Variants in PLEKHG3 observed in about 807,000 individuals in gnomAD.
PLEKHG3 encodes pleckstrin homology domain-containing family G member 3.
PLEKHG3 carries 62 observed loss-of-function variants against 94.9 expected under a neutral mutation model. The observed-to-expected ratio is 0.65, with a 90% CI of 0.53 to 0.81. The LOEUF (loss-of-function observed/expected upper bound fraction) is 0.81. PLEKHG3 is among the 30% of genes least tolerant of loss of function. The pLI is 0.00. For synonymous variants in PLEKHG3, 614 were observed against 654.0 expected, an observed-to-expected ratio of 0.94 and a Z score of 0.93; for missense variants, 1,461 against 1,619.3, an observed-to-expected ratio of 0.90 and a Z score of 1.68.
In PLEKHG3 at chr14:64,742,140, C is replaced by T. The variant is rs567652301; in HGVS notation, c.2623C>T (p.Arg875Cys). 5.6e-6 allele frequency: 9 copies of T among 1,611,400 alleles called. No homozygotes were observed. The highest frequency in any genetic ancestry group is 4.5e-5 in the East Asian group (2 of 44,880). The change falls in exon 16 of 17, where the codon CGC (arginine) becomes TGC (cysteine). Residue 875 changes from arginine to cysteine, a missense_variant. Coordinates refer to ENST00000247226, the MANE Select transcript of PLEKHG3 (RefSeq NM_001308147.2). The part of the protein sequence containing the change: ...SPESSSPTEG[R>C]SPAHLARELK... ...GGAAAGCTCCTCTCCCACTGAGGGG[C>T]GCAGCCCGGCCCACCTGGCCCGGGA...
rs1002108266 is a variant in PLEKHG3, at chr14:64,726,740, C to T, written c.-39-853C>T. Among the ~76,000 whole-genome samples, 6 of 152,310 alleles carry T rather than the reference C, an allele frequency of 3.9e-5. No individual in the cohort carries two copies. Among genetic ancestry groups the T allele is most frequent in the African/African-American group, 1.2e-4 (5 of 41,556 alleles). Reference sequence around the variant, plus strand: ...CTTAGCCCTGGGGAATTTCCTGGGGCCTGGGATGAGTCAGAGGCAGCCTGT... The same window carrying T: ...CTTAGCCCTGGGGAATTTCCTGGGGTCTGGGATGAGTCAGAGGCAGCCTGT... On this transcript the variant is annotated intron_variant, in intron 1 of 16. Coordinates refer to ENST00000247226, the MANE Select transcript of PLEKHG3 (RefSeq NM_001308147.2). This position sits in a 1 kb window ranked among gnomAD's most constrained non-coding sequence, Gnocchi z 5.1.
rs765476762 is a variant in PLEKHG3, at chr14:64,743,146, G to A, written c.3103G>A (p.Ala1035Thr). 9 of 1,611,290 alleles carry A rather than the reference G, an allele frequency of 5.6e-6. No individual in the cohort carries two copies. The highest frequency in any genetic ancestry group is 2.2e-5 in the East Asian group (1 of 44,880). Residue 1035 changes from alanine (A) to threonine (T), a missense_variant, in exon 17 of 17, where the codon GCC (alanine) becomes ACC (threonine). Ala to Thr is a moderately conservative substitution (Grantham distance 58). Around this residue, in one of 3 missense-constraint regions of PLEKHG3, gnomAD observed 1,201 missense variants for 1,295.5 expected, o/e 0.93. Coordinates refer to ENST00000247226, the MANE Select transcript of PLEKHG3 (RefSeq NM_001308147.2). The surrounding 1 kb of genome is among the most constrained non-coding windows in gnomAD (Gnocchi z 7.2). ...RTTSPGGRPSARSPLSPTETF... is the reference protein window; with the variant it reads ...RTTSPGGRPSTRSPLSPTETF... The stretch of plus-strand genomic sequence containing the variant: ...CACCTCGCCTGGGGGCCGGCCCTCC[G>A]CCCGGAGCCCCCTCAGCCCCACAGA...
At chr14:64,737,113 G>GGAAACAATGAGAGCC in intron 13 of PLEKHG3, 1 of 646,118 alleles carries the variant, frequency 1.5e-6, no homozygotes, top group Non-Finnish European at 2.8e-6. Context: ...CCTTTCCTCC[G>GGAAACAATGAGAGCC]GAAACAATGA....
rs2081608363 is a variant in PLEKHG3 at position 64,738,002 on chromosome 14, G to A, written c.1404+627G>A. ...TGGAGGAGGAGGAGGAGGAGGAGGA[G>A]GAAGAGCAGGCCTTTCAGGTCTCTC... On this transcript the variant is annotated intron_variant, in intron 14 of 16. Coordinates refer to ENST00000247226, the MANE Select transcript of PLEKHG3 (RefSeq NM_001308147.2). The surrounding 1 kb of genome is among the most constrained non-coding windows in gnomAD (Gnocchi z 4.8). 2 of 1,263,746 alleles carry A rather than the reference G, an allele frequency of 1.6e-6. No individual in the cohort carries two copies. Among genetic ancestry groups the A allele is most frequent in the Admixed American group, 5.0e-5 (2 of 40,376 alleles). The allele number at this position is 1,263,746 out of a possible 1,614,324, so 78.3% of individuals were successfully genotyped here.
Position 64,743,891 on chromosome 14 carries a change from G to A in PLEKHG3, c.*188G>A. On this transcript the variant is annotated 3_prime_UTR_variant, in exon 17 of 17. Coordinates refer to ENST00000247226, the MANE Select transcript of PLEKHG3 (RefSeq NM_001308147.2). The surrounding 1 kb of genome is among the most constrained non-coding windows in gnomAD (Gnocchi z 7.2). ...TCTCCTGCCTGTGCCATCCACTGGG[G>A]CTCGAGACAATTTCCCACTCACCTG... The A allele has an allele frequency of 3.7e-6, 2 of 546,528 alleles. No individual in the cohort carries two copies. Among genetic ancestry groups the A allele is most frequent in the Non-Finnish European group, 3.1e-6 (1 of 325,564 alleles). The allele number at this position is 546,528 out of a possible 1,614,324, so 33.9% of individuals were successfully genotyped here. A position where few individuals can be genotyped will look rare whatever the true frequency, so the allele number is the denominator to read the frequency against.
rs761950396 is a variant in PLEKHG3, at chr14:64,736,808, C to T, written c.1346-45C>T. On this transcript the variant is annotated intron_variant, in intron 12 of 16. Transcript: ENST00000247226. Reference sequence around the variant, plus strand: ...GAGCTTGGGACCCAGCCAGGCACAGCAGTTTCCTGGCCCGCGCTGACTCTG... The same window carrying T: ...GAGCTTGGGACCCAGCCAGGCACAGTAGTTTCCTGGCCCGCGCTGACTCTG... The T allele has an allele frequency of 6.8e-6, 10 of 1,464,980 alleles. No homozygotes were observed. The South Asian group carries it at 1.0e-4, about 15-fold the overall frequency. The allele number at this position is 1,464,980 out of a possible 1,614,324, so 90.7% of individuals were successfully genotyped here.
At chr14:64,705,297 A>G (rs2080953858) in intron 1 of PLEKHG3, among the ~76,000 whole-genome samples, 1 of 152,212 alleles carries the variant, frequency 6.6e-6, no homozygotes, top group South Asian at 2.1e-4. Context: ...TCGCACCCCT[A>G]CACCCAGCCC....
chr14:64,749,736 G>A lies in PLEKHG3; in HGVS notation c.*6033G>A, dbSNP rs1386790389. 1.2e-6 allele frequency: 2 copies of A among 1,608,014 alleles called. No individual in the cohort carries two copies. Among genetic ancestry groups the A allele is most frequent in the Admixed American group, 1.7e-5 (1 of 59,174 alleles). ...GGTTTCCTGTCATGGAGACACCTCTGGAGGGGGCGCTGGGCAGAGGGCTGG... is the reference window on the plus strand; with the variant it reads ...GGTTTCCTGTCATGGAGACACCTCTAGAGGGGGCGCTGGGCAGAGGGCTGG... On this transcript the variant is annotated 3_prime_UTR_variant, in exon 17 of 17. Transcript: ENST00000247226. The surrounding 1 kb of genome is among the most constrained non-coding windows in gnomAD (Gnocchi z 4.7).
At position 64,727,018 on chromosome 14, in the gene PLEKHG3, T is replaced by C. The variant is rs2081364607; in HGVS notation, c.-39-575T>C. 6.6e-6 allele frequency among the ~76,000 whole-genome samples: 1 copy of C among 152,154 alleles called. No individual in the cohort carries two copies. The highest frequency in any genetic ancestry group is 6.5e-5 in the Admixed American group (1 of 15,278). On this transcript the variant is annotated intron_variant, in intron 1 of 16. Coordinates refer to ENST00000247226, the MANE Select transcript of PLEKHG3 (RefSeq NM_001308147.2). This position sits in a 1 kb window ranked among gnomAD's most constrained non-coding sequence, Gnocchi z 6.0. Reference sequence around the variant, plus strand: ...GGAAGTTCTTCTTCACAACTGCCATTATTATCACCATATTGATGGTGTATG... The same window carrying C: ...GGAAGTTCTTCTTCACAACTGCCATCATTATCACCATATTGATGGTGTATG...
chr14:64,710,410 C>T (rs1218449513), intron 1 of PLEKHG3, among the ~76,000 whole-genome samples: 3 of 152,208 alleles, frequency 2.0e-5, no homozygotes, highest in African/African-American at 7.2e-5. Context: ...TGGCTCATGC[C>T]TGTAATCTCA....
chr14:64,717,929 C>T lies in PLEKHG3; in HGVS notation c.-39-9664C>T, dbSNP rs2081196788. The stretch of plus-strand genomic sequence containing the variant: ...TCTTCCAGACCTGGCTTGGATCTGT[C>T]CTTTCCCACAAAGCCACGTGGATTC... On this transcript the variant is annotated intron_variant, in intron 1 of 16. Coordinates refer to ENST00000247226, the MANE Select transcript of PLEKHG3 (RefSeq NM_001308147.2). This position sits in a 1 kb window ranked among gnomAD's most constrained non-coding sequence, Gnocchi z 4.7. Among the ~76,000 whole-genome samples, 1 of 152,230 alleles carries T rather than the reference C, an allele frequency of 6.6e-6. No homozygotes were observed. The highest frequency in any genetic ancestry group is 1.5e-5 in the Non-Finnish European group (1 of 68,048).
At position 64,749,859 on chromosome 14, in the gene PLEKHG3, T is replaced by C; in HGVS notation, c.*6156T>C. The C allele has an allele frequency of 6.6e-7, 1 of 1,517,158 alleles. No homozygotes were observed. Among genetic ancestry groups the C allele is most frequent in the Non-Finnish European group, 9.1e-7 (1 of 1,097,870 alleles). The allele number at this position is 1,517,158 out of a possible 1,614,324, so 94.0% of individuals were successfully genotyped here. A position where few individuals can be genotyped will look rare whatever the true frequency, so the allele number is the denominator to read the frequency against. ...AAGTCTGGACCATCAGCCTCTTTGA[T>C]TTGAAAAACCCCTGAGGAGCAGCTC... On this transcript the variant is annotated 3_prime_UTR_variant, in exon 17 of 17. Coordinates refer to ENST00000247226, the MANE Select transcript of PLEKHG3 (RefSeq NM_001308147.2). The surrounding 1 kb of genome is among the most constrained non-coding windows in gnomAD (Gnocchi z 4.7).
rs868221579 is a variant in PLEKHG3, at chr14:64,741,042, C to T, written c.1525C>T (p.Pro509Ser). ...ESISSLPEVE[P>S]DPEAGSEQEV... ...CTTTTCTGCTATGTTTCAGGTTGAG[C>T]CGGACCCTGAGGCTGGGAGTGAGCA... is the stretch of plus-strand genomic sequence containing the variant. Residue 509 changes from proline to serine, a missense_variant, in exon 16 of 17, where the codon CCG (proline) becomes TCG (serine). By Grantham distance (74) the Pro-to-Ser change is moderately conservative. This residue lies in a region of PLEKHG3 where 1,201 missense variants were observed against 1,295.5 expected (regional missense o/e 0.93). Transcript: ENST00000247226. 6.3e-7 allele frequency: 1 copy of T among 1,581,374 alleles called. No individual in the cohort carries two copies. The highest frequency in any genetic ancestry group is 8.6e-7 in the Non-Finnish European group (1 of 1,161,230).
rs768632545 is a variant in PLEKHG3, at chr14:64,727,767, G to A, written c.136G>A (p.Ala46Thr). Reference protein sequence around the residue: ...MEEPSSSEAPAKNGAGSLRSR... With the variant: ...MEEPSSSEAPTKNGAGSLRSR... ...GGAGCCCAGCAGCTCCGAGGCTCCC[G>A]CCAAGAATGGGGCAGGCTCCCTGAG... Residue 46 changes from alanine (A) to threonine (T), a missense_variant, in exon 2 of 17, where the codon GCC becomes ACC. By Grantham distance (58) the Ala-to-Thr change is moderately conservative. Coordinates refer to ENST00000247226, the MANE Select transcript of PLEKHG3 (RefSeq NM_001308147.2). The surrounding 1 kb of genome is among the most constrained non-coding windows in gnomAD (Gnocchi z 6.0). 4 of 1,611,558 alleles carry A rather than the reference G, an allele frequency of 2.5e-6. No individual in the cohort carries two copies. Among genetic ancestry groups the A allele is most frequent in the Non-Finnish European group, 3.4e-6 (4 of 1,178,578 alleles).
rs758192568 is a variant in PLEKHG3, at chr14:64,743,362, C to T, written c.3319C>T (p.Arg1107Trp). ...RCRSLSTKRGRGGGEAAQSPG... is the reference protein window; with the variant it reads ...RCRSLSTKRGWGGGEAAQSPG... ...CCGCAGCCTGAGCACCAAGAGGGGC[C>T]GGGGAGGCGGAGAGGCTGCCCAATC... is the stretch of plus-strand genomic sequence containing the variant. Residue 1107 changes from arginine (R) to tryptophan (W), a missense_variant, in exon 17 of 17, where the codon CGG (arginine) becomes TGG (tryptophan). Physicochemically the swap from Arg to Trp is moderately radical, Grantham distance 101. Coordinates refer to ENST00000247226, the MANE Select transcript of PLEKHG3 (RefSeq NM_001308147.2). The surrounding 1 kb of genome is among the most constrained non-coding windows in gnomAD (Gnocchi z 7.2). 8.4e-5 allele frequency: 135 copies of T among 1,607,294 alleles called. No individual in the cohort carries two copies. The highest frequency in any genetic ancestry group is 1.1e-4 in the Non-Finnish European group (128 of 1,176,954).
rs1038055649 is a variant in PLEKHG3, at chr14:64,739,235, G to A, written c.1518+380G>A. ...ACACCTGTGGTCACCTGGGCAAAGG[G>A]TAGAGAACTGATATCTGTTGGACAC... On this transcript the variant is annotated intron_variant, in intron 15 of 16. Coordinates refer to ENST00000247226, the MANE Select transcript of PLEKHG3 (RefSeq NM_001308147.2). The surrounding 1 kb of genome is among the most constrained non-coding windows in gnomAD (Gnocchi z 4.1). Among the ~76,000 whole-genome samples the A allele has an allele frequency of 1.3e-5, 2 of 152,210 alleles. No homozygotes were observed. Among genetic ancestry groups the A allele is most frequent in the African/African-American group, 4.8e-5 (2 of 41,458 alleles).
rs757530240 is a variant in PLEKHG3 at position 64,727,926 on chromosome 14, C to G, written c.295C>G (p.Arg99Gly). Residue 99 changes from arginine to glycine, a missense_variant, in exon 2 of 17, where the codon CGG (arginine) becomes GGG (glycine). This residue lies in a region of PLEKHG3 where 253 missense variants were observed against 297.8 expected (regional missense o/e 0.85). Transcript: ENST00000247226. The surrounding 1 kb of genome is among the most constrained non-coding windows in gnomAD (Gnocchi z 6.0). ...GCTCAGCTACCTGGGCCGAGTGGTG[C>G]GGGAGATCGTGGAGACAGAGCGCAT... ...HKLSYLGRVV[R>G]EIVETERMYV... The G allele has an allele frequency of 6.2e-7, 1 of 1,608,806 alleles. No homozygotes were observed. The highest frequency in any genetic ancestry group is 1.7e-5 in the Admixed American group (1 of 59,856).
chr14:64,734,778 T>C (rs1258172546), intron 12 of PLEKHG3, among the ~76,000 whole-genome samples: 1 of 145,634 alleles, frequency 6.9e-6, no homozygotes, highest in African/African-American at 2.5e-5. Flanking sequence ...TGGAGTGCAG[T>C]GGCACCATCT....
rs1388393395 is a variant in PLEKHG3, at chr14:64,715,480, C to T, written c.-40+10776C>T. 6.6e-6 allele frequency among the ~76,000 whole-genome samples: 1 copy of T among 152,162 alleles called. No homozygotes were observed. The highest frequency in any genetic ancestry group is 1.9e-4 in the East Asian group (1 of 5,184). On this transcript the variant is annotated intron_variant, in intron 1 of 16. Coordinates refer to ENST00000247226, the MANE Select transcript of PLEKHG3 (RefSeq NM_001308147.2). This position sits in a 1 kb window ranked among gnomAD's most constrained non-coding sequence, Gnocchi z 4.4. Reference sequence around the variant, plus strand: ...TAAATGCTAGCTGAGGTTATTTCAGCCAGGCATTTGGAGAGCCACTTGTGC... The same window carrying T: ...TAAATGCTAGCTGAGGTTATTTCAGTCAGGCATTTGGAGAGCCACTTGTGC...
Sources: allele counts gnomAD v4.1 joint callset (sites outside exome capture counted in the v4.1 genomes callset), GRCh38; gene constraint gnomAD v4.1.1; regional missense constraint gnomAD v4.1.1; non-coding constraint Gnocchi (gnomAD v3.1); transcripts MANE v1.5; gene names NCBI Gene and HGNC (gene_info 2026-07-23, HGNC 2026-07-21).